The following ARFGEF3 variants were observed in gnomAD, a reference collection of about 807,000 sequenced individuals.
ARFGEF3 encodes ARFGEF family member 3.
A neutral mutation model predicts 221.7 loss-of-function variants in ARFGEF3; 96 were observed. The ratio of observed to expected loss-of-function variants is 0.43; its 90% CI spans 0.37 to 0.51. The LOEUF is 0.51. ARFGEF3 is among the 20% of genes least tolerant of loss of function. ARFGEF3 has a pLI of 0.00. For missense variants in ARFGEF3, 2,410 were observed against 2,789.9 expected, an observed-to-expected ratio of 0.86 and a Z score of 3.07; for synonymous variants, 1,145 against 1,126.8, an observed-to-expected ratio of 1.02 and a Z score of -0.32.
At chr6:138,280,821 A>T (rs932470556) in intron 14 of ARFGEF3, among the ~76,000 whole-genome samples, 1 of 152,220 alleles carries the variant, frequency 6.6e-6, no homozygotes, top group Admixed American at 6.5e-5. Context: ...ACTGTACTCC[A>T]GCCTGGGCAA....
At position 138,285,984 on chromosome 6, in the gene ARFGEF3, C is replaced by A; in HGVS notation, c.2500C>A (p.Leu834Met). ...GLESSAIGGQ[L>M]MASAATESPF... The stretch of plus-strand genomic sequence containing the variant: ...AGAGAGCAGTGCCATTGGTGGCCAG[C>A]TGATGGCCTCGGCTGCTACAGAGTC... Residue 834 changes from leucine (L) to methionine (M), a missense_variant, in exon 15 of 34, where the codon CTG becomes ATG. By Grantham distance (15) the Leu-to-Met change is conservative. This residue lies in a region of ARFGEF3 where 594 missense variants were observed against 734.3 expected (regional missense o/e 0.81). Coordinates refer to ENST00000251691, the MANE Select transcript of ARFGEF3 (RefSeq NM_020340.5). 1.2e-6 allele frequency: 2 copies of A among 1,611,556 alleles called. No individual in the cohort carries two copies. The highest frequency in any genetic ancestry group is 1.7e-6 in the Non-Finnish European group (2 of 1,179,648).
At chr6:138,245,101 A>T (rs761470014) in intron 7 of ARFGEF3, among the ~76,000 whole-genome samples, 2 of 152,168 alleles carry the variant, frequency 1.3e-5, no homozygotes, top group Non-Finnish European at 2.9e-5. Context: ...CAGGAGTTCA[A>T]GACTAGCCTG....
At chr6:138,211,265 C>T (rs184143019) in intron 4 of ARFGEF3, among the ~76,000 whole-genome samples, 17 of 152,344 alleles carry the variant, frequency 1.1e-4, no homozygotes, top group African/African-American at 4.1e-4. Context: ...AGAATCTCAG[C>T]GGATGGGAGT....
chr6:138,342,800 G>A lies in ARFGEF3; in HGVS notation c.*6314G>A, dbSNP rs936815393. 2.2e-4 allele frequency: 33 copies of A among 152,302 alleles called. No individual in the cohort carries two copies. Among genetic ancestry groups the A allele is most frequent in the African/African-American group, 6.3e-4 (26 of 41,570 alleles). 9.4% of individuals were successfully genotyped at this position (152,302 alleles called of 1,614,324 possible). A position where few individuals can be genotyped will look rare whatever the true frequency, so the allele number is the denominator to read the frequency against. On this transcript the variant is annotated 3_prime_UTR_variant, in exon 34 of 34. Transcript: ENST00000251691. ...AAATATTAGCCATTTGAGATGAGAT[G>A]AGACTACTTGTTGTACCTTCATCTT...
chr6:138,255,741 G>A lies in ARFGEF3; in HGVS notation c.1076G>A (p.Arg359Gln), dbSNP rs951236569. 3 of 1,579,838 alleles carry A rather than the reference G, an allele frequency of 1.9e-6. No individual in the cohort carries two copies. Among genetic ancestry groups the A allele is most frequent in the Admixed American group, 1.8e-5 (1 of 56,688 alleles). ...CTGCTCTACCCCCCACCCCAGCACC[G>A]GGTGGAAGCCATCAAAATAATGAAA... ...RVLLYPPPQH[R>Q]VEAIKIMKEI... Residue 359 changes from arginine to glutamine, a missense_variant, in exon 10 of 34, where the codon CGG (arginine) becomes CAG (glutamine). By Grantham distance (43) the Arg-to-Gln change is conservative (BLOSUM62 1). This residue lies in a region of ARFGEF3 where 570 missense variants were observed against 586.9 expected (regional missense o/e 0.97). Transcript: ENST00000251691.
At chr6:138,282,233 G>T (rs1259733324) in intron 14 of ARFGEF3, among the ~76,000 whole-genome samples, 1 of 152,178 alleles carries the variant, frequency 6.6e-6, no homozygotes, top group African/African-American at 2.4e-5. Flanking sequence ...GAGATTACAG[G>T]CGTGAGCCGC....
chr6:138,336,942 A>T lies in ARFGEF3; in HGVS notation c.*456A>T, dbSNP rs958066826. Reference sequence around the variant, plus strand: ...CAGACATCTAGTACCAGGGATTATTAATTGGAGGAAGATTTATGGTTATGG... The same window carrying T: ...CAGACATCTAGTACCAGGGATTATTTATTGGAGGAAGATTTATGGTTATGG... On this transcript the variant is annotated 3_prime_UTR_variant, in exon 34 of 34. Transcript: ENST00000251691. 1 of 152,586 alleles carries T rather than the reference A, an allele frequency of 6.6e-6. No homozygotes were observed. Among genetic ancestry groups the T allele is most frequent in the African/African-American group, 2.4e-5 (1 of 41,460 alleles). 9.5% of individuals were successfully genotyped at this position (152,586 alleles called of 1,614,324 possible).
intron 2 of ARFGEF3, among the ~76,000 whole-genome samples, chr6:138,197,107 A>G (rs62432806): frequency 0.048 from 7,241 of 152,326 alleles, 247 homozygotes; most frequent in Non-Finnish European, 0.077. Context: ...TGCTGGGATT[A>G]CAGGCATGAG....
At chr6:138,307,486 G>A (rs1421740666) in intron 23 of ARFGEF3, 89 bp downstream of exon 23, 2 of 1,194,808 alleles carry the variant, frequency 1.7e-6, no homozygotes, top group African/African-American at 3.0e-5. Flanking sequence ...GAACAATAGG[G>A]AAGACAGATT....
chr6:138,320,307 G>A (rs1780001419), intron 28 of ARFGEF3, among the ~76,000 whole-genome samples: 1 of 152,204 alleles, frequency 6.6e-6, no homozygotes, highest in Admixed American at 6.5e-5. Flanking sequence ...TTTTAGAAAA[G>A]GCTTCCATTG....
chr6:138,285,949 T>A lies in ARFGEF3; in HGVS notation c.2465T>A (p.Ile822Asn). Residue 822 changes from isoleucine to asparagine, a missense_variant, in exon 15 of 34, where the codon ATT becomes AAT. Coordinates refer to ENST00000251691, the MANE Select transcript of ARFGEF3 (RefSeq NM_020340.5). ...CTTCTTTCTTTTTCCTTGACAGATA[T>A]TGACGGCTTAGAGAGCAGTGCCATT... ...SLPLITMLTD[I>N]DGLESSAIGG... 3 of 1,607,330 alleles carry A rather than the reference T, an allele frequency of 1.9e-6. No homozygotes were observed. Among genetic ancestry groups the A allele is most frequent in the Non-Finnish European group, 2.6e-6 (3 of 1,175,316 alleles).
intron 2 of ARFGEF3, among the ~76,000 whole-genome samples, chr6:138,190,155 C>A (rs1295563740): frequency 7.1e-5 from 10 of 140,452 alleles, no homozygotes; most frequent in East Asian, 4.5e-4. Context: ...AGTTCACTTG[C>A]TTGGTAGAGG....
chr6:138,314,713 A>G (rs1321849856), intron 26 of ARFGEF3, among the ~76,000 whole-genome samples: 1 of 152,252 alleles, frequency 6.6e-6, no homozygotes, highest in Non-Finnish European at 1.5e-5. Flanking sequence ...AACATGCCCC[A>G]GGTGAGCCCA....
At chr6:138,232,204 T>C (rs1583023933) in intron 5 of ARFGEF3, among the ~76,000 whole-genome samples, 1 of 152,112 alleles carries the variant, frequency 6.6e-6, no homozygotes, top group Non-Finnish European at 1.5e-5. Flanking sequence ...GCCAAGGTCT[T>C]GGAGTAAAAG....
chr6:138,246,826 T>C (rs1336850673), intron 8 of ARFGEF3, among the ~76,000 whole-genome samples: 1 of 152,198 alleles, frequency 6.6e-6, no homozygotes, highest in Non-Finnish European at 1.5e-5. Flanking sequence ...GGATTTTTGC[T>C]AAATGAGTAG....
intron 7 of ARFGEF3, among the ~76,000 whole-genome samples, chr6:138,245,096 G>A (rs906942215): frequency 6.6e-6 from 1 of 152,190 alleles, no homozygotes; most frequent in Non-Finnish European, 1.5e-5. Flanking sequence ...GAGGTCAGGA[G>A]TTCAAGACTA....
chr6:138,330,187 T>A (rs1178042153), intron 32 of ARFGEF3, among the ~76,000 whole-genome samples: 1 of 152,130 alleles, frequency 6.6e-6, no homozygotes, highest in East Asian at 1.9e-4. Context: ...ACAGGGGACA[T>A]GATGGCTTAG....
intron 14 of ARFGEF3, among the ~76,000 whole-genome samples, chr6:138,283,635 T>C (rs1175114323): frequency 6.6e-6 from 1 of 152,242 alleles, no homozygotes; most frequent in African/African-American, 2.4e-5. Flanking sequence ...TGATCAGCGC[T>C]GTACTAACTG....
chr6:138,289,838 A>G lies in ARFGEF3; in HGVS notation c.2917A>G (p.Lys973Glu). Residue 973 changes from lysine to glutamate, a missense_variant, in exon 18 of 34, where the codon AAA (lysine) becomes GAA (glutamate). By Grantham distance (56) the Lys-to-Glu change is moderately conservative (BLOSUM62 1). Coordinates refer to ENST00000251691, the MANE Select transcript of ARFGEF3 (RefSeq NM_020340.5). ...CACAGTGAAACTAAAAGTGGAGCAG[A>G]AACTGGAGCAGATTGGGAAGGTGCA... Reference protein sequence around the residue: ...ITQVKLKVEQKLEQIGKVQGV... With the variant: ...ITQVKLKVEQELEQIGKVQGV... 6.2e-7 allele frequency: 1 copy of G among 1,613,880 alleles called. No homozygotes were observed. The highest frequency in any genetic ancestry group is 8.5e-7 in the Non-Finnish European group (1 of 1,179,808).
Sources: allele counts gnomAD v4.1 joint callset (sites outside exome capture counted in the v4.1 genomes callset), GRCh38; gene constraint gnomAD v4.1.1; regional missense constraint gnomAD v4.1.1; transcripts MANE v1.5; gene names NCBI Gene and HGNC (gene_info 2026-07-23, HGNC 2026-07-21).